Variants in PEX3 observed in about 807,000 individuals in gnomAD.
The protein encoded by PEX3 is peroxin-3.
A neutral mutation model predicts 55.8 loss-of-function variants in PEX3; 30 were observed. The observed-to-expected ratio is 0.54, with a 90% CI of 0.40 to 0.73. The LOEUF (loss-of-function observed/expected upper bound fraction) is 0.73. Among genes scored for constraint, PEX3 ranks in the 30% least tolerant of loss-of-function variants. PEX3 has a pLI of 0.00. For missense variants in PEX3, 351 were observed against 432.8 expected, an observed-to-expected ratio of 0.81 and a Z score of 1.68; for synonymous variants, 135 against 148.4, an observed-to-expected ratio of 0.91 and a Z score of 0.66.
Position 143,454,326 on chromosome 6 carries a change from G to A in PEX3, c.73+3211G>A, listed in dbSNP as rs781273652. The stretch of plus-strand genomic sequence containing the variant: ...TTTGATTTTATAGACTCCCTGAAAT[G>A]GTCTTAAAGACCCCAGGGGTGCCCA... On this transcript the variant is annotated intron_variant, in intron 1 of 11. Transcript: ENST00000367591. This position sits in a 1 kb window ranked among gnomAD's most constrained non-coding sequence, Gnocchi z 4.3. Among the ~76,000 whole-genome samples, 10 of 152,176 alleles carry A rather than the reference G, an allele frequency of 6.6e-5. No homozygotes were observed. Among genetic ancestry groups the A allele is most frequent in the Non-Finnish European group, 1.3e-4 (9 of 68,022 alleles).
chr6:143,453,136 A>G lies in PEX3; in HGVS notation c.73+2021A>G, dbSNP rs979018319. 9.2e-5 allele frequency among the ~76,000 whole-genome samples: 14 copies of G among 152,180 alleles called. No individual in the cohort carries two copies. The highest frequency in any genetic ancestry group is 1.9e-4 in the Non-Finnish European group (13 of 68,028). On this transcript the variant is annotated intron_variant, in intron 1 of 11. Coordinates refer to ENST00000367591, the MANE Select transcript of PEX3 (RefSeq NM_003630.3). The surrounding 1 kb of genome is among the most constrained non-coding windows in gnomAD (Gnocchi z 4.6). Reference sequence around the variant, plus strand: ...ATATCACTGTGCTTTCATGGCCTTTATAGTCTGATAGGAAGGAAAAGCAAG... The same window carrying G: ...ATATCACTGTGCTTTCATGGCCTTTGTAGTCTGATAGGAAGGAAAAGCAAG...
rs1180082798 is a variant in PEX3 at position 143,489,639 on chromosome 6, C to T, written c.*413C>T. ...GATGTGTGAAGTTTGGAAAAATATG[C>T]TATTTAATTATAATGTTCCCTAGAC... On this transcript the variant is annotated 3_prime_UTR_variant, in exon 12 of 12. Coordinates refer to ENST00000367591, the MANE Select transcript of PEX3 (RefSeq NM_003630.3). The surrounding 1 kb of genome is among the most constrained non-coding windows in gnomAD (Gnocchi z 5.5). 6.6e-6 allele frequency: 1 copy of T among 152,420 alleles called. No individual in the cohort carries two copies. The highest frequency in any genetic ancestry group is 1.5e-5 in the Non-Finnish European group (1 of 68,478). The allele number at this position is 152,420 out of a possible 1,614,324, so 9.4% of individuals were successfully genotyped here.
Position 143,471,558 on chromosome 6 carries a change from C to T in PEX3, c.525C>T (p.Gly175=). ...LSSIQHLLGD[G]LTELITVIKQ... ...TTAGGTTTGTTTTTTCTTTAATAGG[C>T]CTGACAGAATTGATCACTGTCATTA... The change falls in exon 7 of 12, where the codon GGC becomes GGT. Residue 175 remains glycine, a splice_region_variant and synonymous_variant. Transcript: ENST00000367591. This position sits in a 1 kb window ranked among gnomAD's most constrained non-coding sequence, Gnocchi z 5.4. The T allele has an allele frequency of 6.2e-7, 1 of 1,609,666 alleles. No individual in the cohort carries two copies. Among genetic ancestry groups the T allele is most frequent in the Non-Finnish European group, 8.5e-7 (1 of 1,176,416 alleles).
In PEX3 at chr6:143,466,357, T is replaced by A. The variant is rs1779991840; in HGVS notation, c.288-1765T>A. 1.3e-5 allele frequency among the ~76,000 whole-genome samples: 2 copies of A among 152,010 alleles called. No homozygotes were observed. Among genetic ancestry groups the A allele is most frequent in the Admixed American group, 6.5e-5 (1 of 15,280 alleles). ...GCTGTAGATGCTATCTACCTGTTAG[T>A]CACTTAGTAGCCATCTTGGCCATCA... On this transcript the variant is annotated intron_variant, in intron 3 of 11. Transcript: ENST00000367591. The surrounding 1 kb of genome is among the most constrained non-coding windows in gnomAD (Gnocchi z 5.4).
Position 143,471,763 on chromosome 6 carries a change from G to T in PEX3, c.578+152G>T. 1.5e-6 allele frequency: 1 copy of T among 665,322 alleles called. No individual in the cohort carries two copies. The highest frequency in any genetic ancestry group is 1.7e-5 in the South Asian group (1 of 57,596). The allele number at this position is 665,322 out of a possible 1,614,324, so 41.2% of individuals were successfully genotyped here. ...ATACCATCCTAGGATATTGCATTGTGGGATCCATTTTCTTTATCTTTTTTT... is the reference window on the plus strand; with the variant it reads ...ATACCATCCTAGGATATTGCATTGTTGGATCCATTTTCTTTATCTTTTTTT... On this transcript the variant is annotated intron_variant, in intron 7 of 11. Transcript: ENST00000367591. This position sits in a 1 kb window ranked among gnomAD's most constrained non-coding sequence, Gnocchi z 5.4.
Position 143,483,935 on chromosome 6 carries a change from A to G in PEX3, c.942-1217A>G, listed in dbSNP as rs1780277977. On this transcript the variant is annotated intron_variant, in intron 10 of 11. Transcript: ENST00000367591. The surrounding 1 kb of genome is among the most constrained non-coding windows in gnomAD (Gnocchi z 4.3). ...ATCATGATAGATTTTGAAAAATGCC[A>G]CAAAGGTACCATGAAAAAAAAAATG... Among the ~76,000 whole-genome samples, 1 of 147,146 alleles carries G rather than the reference A, an allele frequency of 6.8e-6. No individual in the cohort carries two copies. The highest frequency in any genetic ancestry group is 2.1e-4 in the South Asian group (1 of 4,738).
chr6:143,461,047 A>G (rs1779911436), intron 2 of PEX3, among the ~76,000 whole-genome samples: 1 of 152,124 alleles, frequency 6.6e-6, no homozygotes, highest in Non-Finnish European at 1.5e-5. Flanking sequence ...AGGCAGAAGA[A>G]GGCAAGCGAA....
rs1780068462 is a variant in PEX3 at position 143,471,200 on chromosome 6, T to G, written c.456+115T>G. On this transcript the variant is annotated intron_variant, in intron 5 of 11. Transcript: ENST00000367591. This position sits in a 1 kb window ranked among gnomAD's most constrained non-coding sequence, Gnocchi z 5.4. ...TAAATATTTTTATATTTCATGTGAT[T>G]GTGAACTTTTAGTATTATGAATAAT... 7 of 1,092,900 alleles carry G rather than the reference T, an allele frequency of 6.4e-6. No individual in the cohort carries two copies. The highest frequency in any genetic ancestry group is 1.4e-5 in the South Asian group (1 of 72,570). The allele number at this position is 1,092,900 out of a possible 1,614,324, so 67.7% of individuals were successfully genotyped here.
rs928135773 is a variant in PEX3, at chr6:143,479,966, A to AT, written c.941+778dup. ...ACACATCCTTTGAAGTAGCTTTAAA[A>AT]TTTTTTTTTTAATTGGGGACACAGT... On this transcript the variant is annotated intron_variant, in intron 10 of 11. Coordinates refer to ENST00000367591, the MANE Select transcript of PEX3 (RefSeq NM_003630.3). This position sits in a 1 kb window ranked among gnomAD's most constrained non-coding sequence, Gnocchi z 4.6. Among the ~76,000 whole-genome samples the AT allele has an allele frequency of 1.1e-4, 16 of 150,736 alleles. No homozygotes were observed. Among genetic ancestry groups the AT allele is most frequent in the South Asian group, 2.1e-4 (1 of 4,762 alleles).
At chr6:143,474,944 C>A (rs147919472) in intron 9 of PEX3, 88 bp downstream of exon 9, 2 of 757,932 alleles carry the variant, frequency 2.6e-6, no homozygotes, top group African/African-American at 3.5e-5. Flanking sequence ...ACAACATGGT[C>A]GGTATAATAT....
At position 143,487,127 on chromosome 6, in the gene PEX3, G is replaced by A. The variant is rs1340219304; in HGVS notation, c.1038+1879G>A. ...AAATAGCTTTCAAATAACATAAGCA[G>A]GAGATAAATTATTTCAGATTGCTTT... On this transcript the variant is annotated intron_variant, in intron 11 of 11. Coordinates refer to ENST00000367591, the MANE Select transcript of PEX3 (RefSeq NM_003630.3). This position sits in a 1 kb window ranked among gnomAD's most constrained non-coding sequence, Gnocchi z 5.3. Among the ~76,000 whole-genome samples the A allele has an allele frequency of 1.3e-5, 2 of 152,122 alleles. No individual in the cohort carries two copies. Among genetic ancestry groups the A allele is most frequent in the Non-Finnish European group, 2.9e-5 (2 of 68,012 alleles).
Position 143,456,982 on chromosome 6 carries a change from T to TA in PEX3, c.74-2095dup, listed in dbSNP as rs1231038170. Among the ~76,000 whole-genome samples the TA allele has an allele frequency of 5.9e-5, 9 of 152,096 alleles. No individual in the cohort carries two copies. In the South Asian group the frequency reaches 1.5e-3, roughly 25 times the overall value. ...CTGAAATGTGTTAAATAGCAGTTCC[T>TA]AAAAAAAATCATCAGATTTGTTGAG... On this transcript the variant is annotated intron_variant, in intron 1 of 11. Transcript: ENST00000367591.
intron 1 of PEX3, among the ~76,000 whole-genome samples, chr6:143,455,437 G>A (rs1446669425): frequency 7.4e-6 from 1 of 135,904 alleles, no homozygotes; most frequent in African/African-American, 2.8e-5. Flanking sequence ...GGATGGTCTC[G>A]ATTTCCTGAC....
chr6:143,468,642 T>TTTGTTG (rs145732071), intron 4 of PEX3, among the ~76,000 whole-genome samples: 1 of 152,018 alleles, frequency 6.6e-6, no homozygotes, highest in Non-Finnish European at 1.5e-5. Flanking sequence ...CTATTTGTTT[T>TTTGTTG]TTGTTGTTGT....
intron 9 of PEX3, among the ~76,000 whole-genome samples, chr6:143,477,369 C>A (rs1780168326): frequency 6.6e-6 from 1 of 152,082 alleles, no homozygotes; most frequent in African/African-American, 2.4e-5. Context: ...AGAACAGTGC[C>A]TTGCATGTAG....
chr6:143,458,534 A>G lies in PEX3; in HGVS notation c.74-551A>G, dbSNP rs539365404. Among the ~76,000 whole-genome samples the G allele has an allele frequency of 1.2e-4, 18 of 152,312 alleles. No homozygotes were observed. Among genetic ancestry groups the G allele is most frequent in the Non-Finnish European group, 1.0e-4 (7 of 68,010 alleles). ...GCATTTTGTGTTCATTGAAGAAAAT[A>G]TAGAGGACAAAATGACCTGTTATCC... On this transcript the variant is annotated intron_variant, in intron 1 of 11. Transcript: ENST00000367591. The surrounding 1 kb of genome is among the most constrained non-coding windows in gnomAD (Gnocchi z 6.1).
chr6:143,454,411 T>C lies in PEX3; in HGVS notation c.73+3296T>C, dbSNP rs1325807489. Among the ~76,000 whole-genome samples, 1 of 152,230 alleles carries C rather than the reference T, an allele frequency of 6.6e-6. No homozygotes were observed. The highest frequency in any genetic ancestry group is 1.5e-5 in the Non-Finnish European group (1 of 68,040). ...TTTTGGAGAACAGAGAGCAACCAGA[T>C]TGATATTTATTGACTTACTGGTTTC... On this transcript the variant is annotated intron_variant, in intron 1 of 11. Coordinates refer to ENST00000367591, the MANE Select transcript of PEX3 (RefSeq NM_003630.3). This position sits in a 1 kb window ranked among gnomAD's most constrained non-coding sequence, Gnocchi z 4.3.
chr6:143,462,826 C>T lies in PEX3; in HGVS notation c.206-90C>T, dbSNP rs1335076393. ...CTTCTGACTCTTGCTAGTTGCTAGC[C>T]CTATCATATAGCCTAAAACAATGCG... On this transcript the variant is annotated intron_variant, in intron 2 of 11. Coordinates refer to ENST00000367591, the MANE Select transcript of PEX3 (RefSeq NM_003630.3). The surrounding 1 kb of genome is among the most constrained non-coding windows in gnomAD (Gnocchi z 4.1). 2.2e-6 allele frequency: 2 copies of T among 911,990 alleles called. No homozygotes were observed. The highest frequency in any genetic ancestry group is 3.3e-5 in the African/African-American group (2 of 61,362). The allele number at this position is 911,990 out of a possible 1,614,324, so 56.5% of individuals were successfully genotyped here. A position where few individuals can be genotyped will look rare whatever the true frequency, so the allele number is the denominator to read the frequency against.
Position 143,489,010 on chromosome 6 carries a change from C to A in PEX3, c.1039-133C>A. ...AGAATTTATTACAAGAAAAACTACTCATTTTCTTAAATGGTTTGCCTCTTG... is the reference window on the plus strand; with the variant it reads ...AGAATTTATTACAAGAAAAACTACTAATTTTCTTAAATGGTTTGCCTCTTG... On this transcript the variant is annotated intron_variant, in intron 11 of 11. Coordinates refer to ENST00000367591, the MANE Select transcript of PEX3 (RefSeq NM_003630.3). The surrounding 1 kb of genome is among the most constrained non-coding windows in gnomAD (Gnocchi z 5.5). 1.5e-6 allele frequency: 1 copy of A among 652,278 alleles called. No homozygotes were observed. The highest frequency in any genetic ancestry group is 1.7e-5 in the South Asian group (1 of 59,352). 40.4% of individuals were successfully genotyped at this position (652,278 alleles called of 1,614,324 possible).
Sources: allele counts gnomAD v4.1 joint callset (sites outside exome capture counted in the v4.1 genomes callset), GRCh38; gene constraint gnomAD v4.1.1; non-coding constraint Gnocchi (gnomAD v3.1); transcripts MANE v1.5; gene names NCBI Gene and HGNC (gene_info 2026-07-23, HGNC 2026-07-21).